CCDC158: variants seen among roughly 807,000 people sequenced by gnomAD.
CCDC158 encodes coiled-coil domain containing 158.
Under a neutral mutation model 138.6 loss-of-function variants are expected in CCDC158, and 116 were observed. The ratio of observed to expected loss-of-function variants is 0.84; its 90% CI spans 0.72 to 0.98. The LOEUF is 0.98. CCDC158 is among the 50% of genes least tolerant of loss of function. The probability of loss-of-function intolerance (pLI) is 0.00; values close to 1 mark genes in which losing one functional copy is unlikely to be tolerated. For synonymous variants in CCDC158, 436 were observed against 442.4 expected, an observed-to-expected ratio of 0.99 and a Z score of 0.18; for missense variants, 1,265 against 1,306.1, an observed-to-expected ratio of 0.97 and a Z score of 0.48.
chr4:76,313,193 G>C lies in CCDC158; in HGVS notation c.3331C>G (p.Gln1111Glu). Reference protein sequence around the residue: ...QEKRIQKVKDQEKMLLK With the variant: ...QEKRIQKVKDEEKMLLK Reference sequence around the variant, plus strand: ...AGTCATTTTAGTAACATTTTTTCCTGGTCTTTTACTTTCTGTATCCTCTTT... The same window carrying C: ...AGTCATTTTAGTAACATTTTTTCCTCGTCTTTTACTTTCTGTATCCTCTTT... Residue 1111 changes from glutamine (Q) to glutamate (E), a missense_variant, in exon 25 of 25, where the codon CAG (glutamine) becomes GAG (glutamate). Physicochemically the swap from Gln to Glu is conservative, Grantham distance 29 (BLOSUM62 2). Transcript: ENST00000682701. 6.2e-7 allele frequency: 1 copy of C among 1,604,674 alleles called. No individual in the cohort carries two copies. The highest frequency in any genetic ancestry group is 8.5e-7 in the Non-Finnish European group (1 of 1,174,896).
chr4:76,345,072 T>A, intron 18 of CCDC158: 1 of 1,328,026 alleles, frequency 7.5e-7, no homozygotes, highest in Non-Finnish European at 1.1e-6. Context: ...GCTGACAAAA[T>A]GACCAGATCT....
Position 76,384,575 on chromosome 4 carries a change from C to T in CCDC158, c.379G>A (p.Asp127Asn). 6.2e-7 allele frequency: 1 copy of T among 1,612,368 alleles called. No individual in the cohort carries two copies. The highest frequency in any genetic ancestry group is 8.5e-7 in the Non-Finnish European group (1 of 1,179,242). The part of the protein sequence containing the change: ...TKLQEMQMER[D>N]AMADIRRRES... ...CCCAACCTGATGTCAGCCATAGCAT[C>T]TCTCTCCATTTGCATCTCCTGAAGT... is the stretch of plus-strand genomic sequence containing the variant. The change falls in exon 5 of 25, where the codon GAT (aspartate) becomes AAT (asparagine). Residue 127 changes from aspartate to asparagine, a missense_variant. Coordinates refer to ENST00000682701, the MANE Select transcript of CCDC158 (RefSeq NM_001394954.1).
At chr4:76,354,200 G>A (rs1402424533) in intron 15 of CCDC158, among the ~76,000 whole-genome samples, 7 of 128,122 alleles carry the variant, frequency 5.5e-5, no homozygotes, top group African/African-American at 2.1e-4. Flanking sequence ...AGCGCCATCA[G>A]GAAGGATAAG....
At chr4:76,362,087 C>A (rs769761818) in intron 13 of CCDC158, 39 bp downstream of exon 13, 2 of 1,580,850 alleles carry the variant, frequency 1.3e-6, no homozygotes, top group East Asian at 4.5e-5. Context: ...ACTGCTAAGA[C>A]TCTTATTTTT....
rs187404386 is a variant in CCDC158, at chr4:76,408,213, T to G, written c.-74+3877A>C. On this transcript the variant is annotated intron_variant, in intron 2 of 24. Transcript: ENST00000682701. ...ATATATTTTTTTATTATACTTTAAG[T>G]TCTAGGGTACATGTGCACAACGTGC... 2.1e-3 allele frequency among the ~76,000 whole-genome samples: 312 copies of G among 151,576 alleles called. 4 individuals carry two copies. The East Asian group carries it at 0.041, about 20-fold the overall frequency.
At chr4:76,338,617 G>A (rs946713203) in intron 18 of CCDC158, among the ~76,000 whole-genome samples, 1 of 152,174 alleles carries the variant, frequency 6.6e-6, no homozygotes, top group African/African-American at 2.4e-5. Context: ...TCAGTATGTG[G>A]CAAGTAACAA....
At chr4:76,373,650 A>T (rs1398021) in intron 9 of CCDC158, among the ~76,000 whole-genome samples, 1 of 152,120 alleles carries the variant, frequency 6.6e-6, no homozygotes, top group African/African-American at 2.4e-5. Context: ...AATAATCATA[A>T]GGAATAGAAG....
Position 76,367,659 on chromosome 4 carries a change from T to C in CCDC158, c.1465A>G (p.Met489Val), listed in dbSNP as rs950896273. 2 of 1,614,182 alleles carry C rather than the reference T, an allele frequency of 1.2e-6. No homozygotes were observed. Among genetic ancestry groups the C allele is most frequent in the Non-Finnish European group, 1.7e-6 (2 of 1,180,030 alleles). ...KVVEELTAKK[M>V]TLESSERTIS... ...GTCCTCTCTGAGCTCTCCAGAGTCATTTTCTTGGCTGTCAACTCTTCTACT... is the reference window on the plus strand; with the variant it reads ...GTCCTCTCTGAGCTCTCCAGAGTCACTTTCTTGGCTGTCAACTCTTCTACT... Residue 489 changes from methionine to valine, a missense_variant, in exon 12 of 25, where the codon ATG (methionine) becomes GTG (valine). Coordinates refer to ENST00000682701, the MANE Select transcript of CCDC158 (RefSeq NM_001394954.1).
intron 1 of CCDC158, among the ~76,000 whole-genome samples, chr4:76,413,295 G>A (rs1245781216): frequency 2.6e-5 from 4 of 151,706 alleles, no homozygotes; most frequent in Non-Finnish European, 5.9e-5. Flanking sequence ...ACAATATAGT[G>A]AGATCCCGTC....
intron 22 of CCDC158, among the ~76,000 whole-genome samples, chr4:76,326,642 G>GA (rs1256069816): frequency 1.3e-5 from 2 of 151,792 alleles, no homozygotes; most frequent in Non-Finnish European, 2.9e-5. Flanking sequence ...AGCAAAAGGG[G>GA]AAAAAAGGAA....
intron 13 of CCDC158, among the ~76,000 whole-genome samples, chr4:76,361,538 GT>G (rs1269057543): frequency 6.6e-6 from 1 of 152,176 alleles, no homozygotes; most frequent in Non-Finnish European, 1.5e-5. Flanking sequence ...CTCCAACCTG[GT>G]GGACAGAGTG....
At chr4:76,377,309 T>C (rs944379688) in intron 9 of CCDC158, among the ~76,000 whole-genome samples, 3 of 152,224 alleles carry the variant, frequency 2.0e-5, no homozygotes, top group African/African-American at 7.2e-5. Flanking sequence ...TTTGCGGCTT[T>C]TCAAAAAGTT....
At chr4:76,376,115 G>A (rs1725694180) in intron 9 of CCDC158, among the ~76,000 whole-genome samples, 1 of 151,470 alleles carries the variant, frequency 6.6e-6, no homozygotes, top group East Asian at 1.9e-4. Context: ...AGTGAGTGGT[G>A]TGATCATGGC....
intron 18 of CCDC158, among the ~76,000 whole-genome samples, chr4:76,334,839 C>T (rs1228517289): frequency 6.6e-6 from 1 of 152,218 alleles, no homozygotes; most frequent in Non-Finnish European, 1.5e-5. Context: ...GTCCATCCCA[C>T]TGAAAAGTTA....
At position 76,369,523 on chromosome 4, in the gene CCDC158, AGGT is replaced by A; in HGVS notation, c.1247_1249del (p.His416del). 3 of 1,614,104 alleles carry A rather than the reference AGGT, an allele frequency of 1.9e-6. No individual in the cohort carries two copies. Among genetic ancestry groups the A allele is most frequent in the Non-Finnish European group, 2.5e-6 (3 of 1,180,010 alleles). ...GTTCCGGTTGTCCAGTTCCCGCCGCAGGTGGTCAATGGTGATGCTGTTGCCTGT... is the reference window on the plus strand; with the variant it reads ...GTTCCGGTTGTCCAGTTCCCGCCGCAGGTCAATGGTGATGCTGTTGCCTGT... On this transcript the variant is annotated inframe_deletion, in exon 11 of 25. Coordinates refer to ENST00000682701, the MANE Select transcript of CCDC158 (RefSeq NM_001394954.1).
rs11409268 is a variant in CCDC158 at position 76,375,492 on chromosome 4, A to AT, written c.1029+3797dup. The stretch of plus-strand genomic sequence containing the variant: ...TTTGCACAGAATCTTCCTGCACAGT[A>AT]TATAGCTCCAGCCAGTGCTACTAAA... On this transcript the variant is annotated intron_variant, in intron 9 of 24. Transcript: ENST00000682701. The AT allele has an allele frequency of 8.0e-3, 5,549 of 689,924 alleles. 197 individuals are homozygous for AT. The African/African-American group carries it at 0.085, about 11-fold the overall frequency. The allele number at this position is 689,924 out of a possible 1,614,324, so 42.7% of individuals were successfully genotyped here. A position where few individuals can be genotyped will look rare whatever the true frequency, so the allele number is the denominator to read the frequency against.
intron 24 of CCDC158, among the ~76,000 whole-genome samples, chr4:76,323,004 T>G (rs1412034488): frequency 1.3e-5 from 2 of 152,206 alleles, no homozygotes; most frequent in African/African-American, 4.8e-5. Flanking sequence ...AAAGACGGTG[T>G]GTGGGAAAGT....
At chr4:76,345,069 A>G in intron 18 of CCDC158, 1 of 1,326,196 alleles carries the variant, frequency 7.5e-7, no homozygotes, top group Non-Finnish European at 1.1e-6. Context: ...AAAGCTGACA[A>G]AATGACCAGA....
intron 2 of CCDC158, among the ~76,000 whole-genome samples, chr4:76,408,501 A>G (rs1407965483): frequency 2.0e-5 from 3 of 152,112 alleles, no homozygotes; most frequent in Admixed American, 6.6e-5. Context: ...CCACGTCCCT[A>G]CAAAGGGCAT....
Sources: allele counts gnomAD v4.1 joint callset (sites outside exome capture counted in the v4.1 genomes callset), GRCh38; gene constraint gnomAD v4.1.1; transcripts MANE v1.5; gene names NCBI Gene and HGNC (gene_info 2026-07-23, HGNC 2026-07-21).